SYNPR: variants seen among roughly 807,000 people sequenced by gnomAD.
SYNPR encodes the protein synaptoporin.
SYNPR carries 23 observed loss-of-function variants against 32.9 expected under a neutral mutation model. The ratio of observed to expected loss-of-function variants is 0.70; its 90% CI spans 0.50 to 0.99. The LOEUF (loss-of-function observed/expected upper bound fraction) is 0.99, where lower values mean the gene tolerates loss of function less well. Among genes scored for constraint, SYNPR ranks in the 50% least tolerant of loss-of-function variants. The pLI, the probability that SYNPR is intolerant of heterozygous loss-of-function variation, is 0.00. For missense variants in SYNPR, 318 were observed against 349.3 expected, an observed-to-expected ratio of 0.91 and a Z score of 0.71; for synonymous variants, 146 against 135.9, an observed-to-expected ratio of 1.07 and a Z score of -0.52.
chr3:63,393,029 A>C (rs896732455), intron 2 of SYNPR, among the ~76,000 whole-genome samples: 2 of 152,296 alleles, frequency 1.3e-5, no homozygotes, highest in Admixed American at 1.3e-4. Flanking sequence ...TGGGAGTCTC[A>C]AACACACATG....
At chr3:63,248,746 A>G (rs2086309724) in intron 1 of SYNPR, among the ~76,000 whole-genome samples, 1 of 152,142 alleles carries the variant, frequency 6.6e-6, no homozygotes, top group Non-Finnish European at 1.5e-5. Context: ...CATTGTGCTA[A>G]TTAGTTATTG....
chr3:63,278,594 C>T (rs934557134), intron 1 of SYNPR, 43 bp downstream of exon 1: 2 of 1,550,518 alleles, frequency 1.3e-6, no homozygotes, highest in Non-Finnish European at 1.7e-6. Flanking sequence ...GAGCAGGGGG[C>T]GGGGGATGCC....
intron 2 of SYNPR, among the ~76,000 whole-genome samples, chr3:63,381,737 C>A (rs78136824): frequency 6.6e-6 from 1 of 152,080 alleles, no homozygotes; most frequent in Non-Finnish European, 1.5e-5. Flanking sequence ...CATTTTATTT[C>A]GTGTTTTCTG....
At chr3:63,299,107 C>T (rs950404871) in intron 2 of SYNPR, among the ~76,000 whole-genome samples, 5 of 151,982 alleles carry the variant, frequency 3.3e-5, no homozygotes, top group African/African-American at 1.2e-4. Context: ...CTATTCTGAC[C>T]CTTCAATATG....
intron 2 of SYNPR, among the ~76,000 whole-genome samples, chr3:63,398,659 C>T (rs2088250393): frequency 1.3e-5 from 2 of 151,618 alleles, no homozygotes; most frequent in African/African-American, 4.9e-5. Context: ...GCGGAGCTTG[C>T]AGTGAGCTGA....
Position 63,344,025 on chromosome 3 carries a change from C to T in SYNPR, c.84+65283C>T, listed in dbSNP as rs529531991. On this transcript the variant is annotated intron_variant, in intron 2 of 5. Coordinates refer to ENST00000478300, the MANE Select transcript of SYNPR (RefSeq NM_001130003.2). The stretch of plus-strand genomic sequence containing the variant: ...ACATCATTAGGAGAGCTCTCAGCCT[C>T]GCTCATATGCTGTTCAGAGGCGGTT... Among the ~76,000 whole-genome samples the T allele has an allele frequency of 7.3e-4, 111 of 152,330 alleles. 4 individuals are homozygous for T. In the South Asian group the frequency reaches 0.022, roughly 30 times the overall value.
At chr3:63,393,308 C>G (rs13075005) in intron 2 of SYNPR, among the ~76,000 whole-genome samples, 16,775 of 151,970 alleles carry the variant, frequency 0.11, 1,364 homozygotes, top group East Asian at 0.43. Flanking sequence ...GAGGGTTATT[C>G]TAGGGTAAAT....
intron 2 of SYNPR, among the ~76,000 whole-genome samples, chr3:63,257,525 T>C (rs1258030685): frequency 6.6e-6 from 1 of 152,016 alleles, no homozygotes; most frequent in Admixed American, 6.6e-5. Context: ...TGCTGAGAGA[T>C]TTTGTCACCA....
chr3:63,453,911 A>G (rs1700429687), intron 2 of SYNPR, among the ~76,000 whole-genome samples: 1 of 152,196 alleles, frequency 6.6e-6, no homozygotes, highest in South Asian at 2.1e-4. Context: ...GAGATTTCAC[A>G]AAAAGTTACT....
chr3:63,580,018 C>T (rs1385494624), intron 4 of SYNPR, among the ~76,000 whole-genome samples: 3 of 152,044 alleles, frequency 2.0e-5, no homozygotes, highest in African/African-American at 4.8e-5. Flanking sequence ...CATTATATGA[C>T]CCAATTGAGC....
chr3:63,288,660 A>G lies in SYNPR; in HGVS notation c.84+9918A>G, dbSNP rs117946929. 1.6e-3 allele frequency among the ~76,000 whole-genome samples: 247 copies of G among 152,328 alleles called. 4 individuals are homozygous for G. The East Asian group carries it at 0.04, about 24-fold the overall frequency. On this transcript the variant is annotated intron_variant, in intron 2 of 5. Transcript: ENST00000478300. Reference sequence around the variant, plus strand: ...AATAAAAATGTATTCCCTCAAACCCACATGTACTTCATTTTTATTCACATA... The same window carrying G: ...AATAAAAATGTATTCCCTCAAACCCGCATGTACTTCATTTTTATTCACATA...
chr3:63,613,838 C>T (rs972847594), intron 5 of SYNPR, among the ~76,000 whole-genome samples: 26 of 152,202 alleles, frequency 1.7e-4, no homozygotes, highest in African/African-American at 6.3e-4. Flanking sequence ...AAAATGAAGT[C>T]TACAGACTAA....
chr3:63,353,961 T>C (rs2087542820), intron 2 of SYNPR, among the ~76,000 whole-genome samples: 1 of 152,200 alleles, frequency 6.6e-6, no homozygotes, highest in Non-Finnish European at 1.5e-5. Flanking sequence ...GCTGTATGTA[T>C]GAAAGGGAGA....
intron 2 of SYNPR, among the ~76,000 whole-genome samples, chr3:63,350,239 CACAT>C (rs773134973): frequency 9.3e-4 from 135 of 144,870 alleles, no homozygotes; most frequent in Middle Eastern, 3.6e-3. Flanking sequence ...CACACACACA[CACAT>C]ACAAACACAA....
intron 3 of SYNPR, among the ~76,000 whole-genome samples, chr3:63,506,576 T>C (rs1701593119): frequency 6.6e-6 from 1 of 152,208 alleles, no homozygotes; most frequent in South Asian, 2.1e-4. Flanking sequence ...TTGTAAATGC[T>C]CTGAGAAGTC....
At chr3:63,389,049 C>CA (rs1262489372) in intron 2 of SYNPR, among the ~76,000 whole-genome samples, 6 of 152,106 alleles carry the variant, frequency 3.9e-5, no homozygotes, top group African/African-American at 1.4e-4. Flanking sequence ...TTTTGATCAG[C>CA]AAGAGTAAAA....
intron 3 of SYNPR, among the ~76,000 whole-genome samples, chr3:63,481,981 G>T (rs994773725): frequency 2.0e-5 from 3 of 152,028 alleles, no homozygotes; most frequent in African/African-American, 7.2e-5. Flanking sequence ...AATCTCTCAA[G>T]ATTTAAAAGT....
intron 4 of SYNPR, among the ~76,000 whole-genome samples, chr3:63,576,292 G>A (rs1368403352): frequency 2.0e-5 from 3 of 152,110 alleles, no homozygotes; most frequent in Non-Finnish European, 2.9e-5. Context: ...GGCTTCCTCT[G>A]AGTACGTGAA....
At chr3:63,423,146 A>G (rs1699828897) in intron 2 of SYNPR, among the ~76,000 whole-genome samples, 1 of 152,240 alleles carries the variant, frequency 6.6e-6, no homozygotes, top group Non-Finnish European at 1.5e-5. Context: ...ATGAGAAAAA[A>G]TACACATTCA....
Sources: allele counts gnomAD v4.1 joint callset (sites outside exome capture counted in the v4.1 genomes callset), GRCh38; gene constraint gnomAD v4.1.1; transcripts MANE v1.5; gene names NCBI Gene and HGNC (gene_info 2026-07-23, HGNC 2026-07-21).